The following STIMATE variants were observed in gnomAD, a reference collection of about 807,000 sequenced individuals.
The protein encoded by STIMATE is STIM activating enhancer.
In STIMATE, 15 loss-of-function variants were observed where a neutral mutation model predicts 36.7. The observed-to-expected ratio is 0.41, with a 90% confidence interval of 0.27 to 0.63. The LOEUF (loss-of-function observed/expected upper bound fraction) is 0.63. Ranked by LOEUF, STIMATE falls within the 20% of genes least tolerant of loss-of-function variation. The pLI, the probability that STIMATE is intolerant of heterozygous loss-of-function variation, is 0.32. For missense variants in STIMATE, 305 were observed against 397.3 expected (o/e 0.77, Z 1.98); for synonymous variants, 163 against 162.3 (o/e 1.00, Z -0.03).
intron 1 of STIMATE, among the ~76,000 whole-genome samples, chr3:52,868,826 T>G (rs2336663): frequency 0.97 from 148,048 of 152,182 alleles, 72,173 homozygotes; most frequent in Middle Eastern, 1. Flanking sequence ...TACCGTGTTG[T>G]CTAGGATGGT....
At chr3:52,875,906 ATGAGCAG>A (rs1175389414) in intron 1 of STIMATE, among the ~76,000 whole-genome samples, 1 of 152,194 alleles carries the variant, frequency 6.6e-6, no homozygotes, top group African/African-American at 2.4e-5. Context: ...AGAGGTACCC[ATGAGCAG>A]CCAGCTCACC....
At chr3:52,853,176 G>T (rs1701037461) in intron 2 of STIMATE, among the ~76,000 whole-genome samples, 1 of 152,152 alleles carries the variant, frequency 6.6e-6, no homozygotes, top group Non-Finnish European at 1.5e-5. Context: ...AAGGACCAAA[G>T]AATAAATATT....
At position 52,847,271 on chromosome 3, in the gene STIMATE, GGT is replaced by G. The variant is rs1436601934; in HGVS notation, c.428-2332_428-2331del. Reference sequence around the variant, plus strand: ...CTCAGGCATGTGGGTGTTTTGTTTGGGTTTAATTATTTCCTCAGTAGAAGTCA... The same window carrying G: ...CTCAGGCATGTGGGTGTTTTGTTTGGTTAATTATTTCCTCAGTAGAAGTCA... On this transcript the variant is annotated intron_variant, in intron 4 of 7. Transcript: ENST00000355083. 6.0e-6 allele frequency: 7 copies of G among 1,171,458 alleles called. No individual in the cohort carries two copies. The East Asian group carries it at 4.3e-4, about 72-fold the overall frequency. 72.6% of individuals were successfully genotyped at this position (1,171,458 alleles called of 1,614,324 possible).
At chr3:52,845,859 C>G in intron 4 of STIMATE, among the ~76,000 whole-genome samples, 1 of 148,378 alleles carries the variant, frequency 6.7e-6, no homozygotes, top group East Asian at 2.0e-4. Flanking sequence ...TTGCCTGGGG[C>G]TCACCCTGGA....
At chr3:52,894,584 G>A (rs768754179) in intron 1 of STIMATE, among the ~76,000 whole-genome samples, 3 of 152,104 alleles carry the variant, frequency 2.0e-5, no homozygotes, top group Admixed American at 6.6e-5. Context: ...ACAAGGCAAC[G>A]TGTAAGTGGA....
At chr3:52,842,981 G>C (rs748226746) in intron 6 of STIMATE, 21 bp from the exon 7 acceptor site, 24 of 1,614,088 alleles carry the variant, frequency 1.5e-5, no homozygotes, top group Non-Finnish European at 2.0e-5. Flanking sequence ...GAAAAGTGCA[G>C]GTTACTTTGG....
intron 7 of STIMATE, chr3:52,841,871 T>C (rs1353868061): frequency 1.3e-5 from 2 of 152,296 alleles, no homozygotes; most frequent in African/African-American, 4.8e-5. Flanking sequence ...CTGCTGCTTC[T>C]GCCCATAACA....
rs527805653 is a variant in STIMATE at position 52,885,039 on chromosome 3, T to C, written c.160+12252A>G. Among the ~76,000 whole-genome samples the C allele has an allele frequency of 3.3e-5, 5 of 152,364 alleles. No individual in the cohort carries two copies. The South Asian group carries it at 8.3e-4, about 25-fold the overall frequency. On this transcript the variant is annotated intron_variant, in intron 1 of 7. Transcript: ENST00000355083. ...ATTTTGCATTTTTACCAGCAATGCA[T>C]AGGAGTTCCAGAGTTCATATTCTCT...
chr3:52,896,258 G>C (rs1002994656), intron 1 of STIMATE, among the ~76,000 whole-genome samples: 1 of 152,190 alleles, frequency 6.6e-6, no homozygotes, highest in Non-Finnish European at 1.5e-5. Context: ...CATACTTTCT[G>C]CAGGAACTCT....
At chr3:52,874,382 T>C (rs56383738) in intron 1 of STIMATE, among the ~76,000 whole-genome samples, 78,751 of 152,078 alleles carry the variant, frequency 0.52, 22,292 homozygotes, top group Non-Finnish European at 0.63. Context: ...AATGTGAACC[T>C]ATTTTTATAC....
chr3:52,857,782 A>G (rs1217002272), intron 1 of STIMATE, among the ~76,000 whole-genome samples: 1 of 151,434 alleles, frequency 6.6e-6, no homozygotes, highest in Non-Finnish European at 1.5e-5. Context: ...AGAGAGAGAG[A>G]AAGAGAAGCA....
At chr3:52,886,059 T>C (rs916472625) in intron 1 of STIMATE, among the ~76,000 whole-genome samples, 2 of 152,170 alleles carry the variant, frequency 1.3e-5, no homozygotes, top group Admixed American at 1.3e-4. Context: ...TCCTCTGGCT[T>C]CCAGGACAAG....
At chr3:52,857,568 CTT>C (rs1341987039) in intron 1 of STIMATE, among the ~76,000 whole-genome samples, 3 of 152,136 alleles carry the variant, frequency 2.0e-5, no homozygotes, top group African/African-American at 7.2e-5. Flanking sequence ...TCAAATATAT[CTT>C]GAGGGGCATG....
At chr3:52,842,730 CAT>C (rs1027198770) in intron 7 of STIMATE, 79 bp downstream of exon 7, 2 of 1,593,648 alleles carry the variant, frequency 1.3e-6, no homozygotes, top group African/African-American at 2.7e-5. Flanking sequence ...AAGGGAAGAA[CAT>C]ACACAGACAT....
intron 1 of STIMATE, among the ~76,000 whole-genome samples, chr3:52,859,162 C>CAAAA (rs201031735): frequency 2.7e-3 from 228 of 83,192 alleles, no homozygotes; most frequent in Admixed American, 6.2e-3. Context: ...GACTCCATCT[C>CAAAA]AAAAAAAATA....
intron 1 of STIMATE, among the ~76,000 whole-genome samples, chr3:52,881,576 G>A (rs1701605999): frequency 6.6e-6 from 1 of 151,984 alleles, no homozygotes; most frequent in African/African-American, 2.4e-5. Context: ...GGTGGTGGGT[G>A]CCTGTATCCC....
intron 7 of STIMATE, among the ~76,000 whole-genome samples, 193 bp downstream of exon 7, chr3:52,842,618 A>T (rs886126945): frequency 3.3e-5 from 5 of 152,162 alleles, no homozygotes; most frequent in African/African-American, 1.2e-4. Context: ...GGCCCAAGGG[A>T]CAGTGGGAAT....
chr3:52,866,394 T>A (rs1701312683), intron 1 of STIMATE, among the ~76,000 whole-genome samples: 1 of 152,188 alleles, frequency 6.6e-6, no homozygotes, highest in Non-Finnish European at 1.5e-5. Flanking sequence ...CTGGCAGGGC[T>A]CCCAGTCCCA....
chr3:52,867,108 A>G (rs1254340121), intron 1 of STIMATE, among the ~76,000 whole-genome samples: 1 of 152,192 alleles, frequency 6.6e-6, no homozygotes, highest in Non-Finnish European at 1.5e-5. Context: ...CATGGGTGGA[A>G]AATCACCCCC....
Sources: gnomAD v4.1 joint callset for allele counts (sites outside exome capture counted in the v4.1 genomes callset) on GRCh38, gnomAD v4.1.1 for gene constraint, MANE v1.5 for transcripts, NCBI Gene and HGNC (gene_info 2026-07-23, HGNC 2026-07-21) for gene names.